The following LY75 variants were observed in gnomAD, a reference collection of about 807,000 sequenced individuals.
LY75 encodes lymphocyte antigen 75.
In LY75, 185 loss-of-function variants were observed where a neutral mutation model predicts 231.7. The observed-to-expected ratio is 0.80, with a 90% CI of 0.71 to 0.90. LY75 has a LOEUF of 0.90. Ranked by LOEUF, LY75 falls within the 40% of genes least tolerant of loss-of-function variation. The pLI, the probability that LY75 is intolerant of heterozygous loss-of-function variation, is 0.00. For missense variants in LY75, 1,947 were observed against 2,050.2 expected, an observed-to-expected ratio of 0.95 and a Z score of 0.97; for synonymous variants, 668 against 689.0, an observed-to-expected ratio of 0.97 and a Z score of 0.48.
At chr2:159,807,765 T>C in intron 33 of LY75, 2 of 948,436 alleles carry the variant, frequency 2.1e-6, no homozygotes, top group Non-Finnish European at 2.5e-6. Flanking sequence ...CAACTTTGCA[T>C]AAAATGTGAA....
rs746920972 is a variant in LY75, at chr2:159,872,557, A to C, written c.2011T>G (p.Trp671Gly). The C allele has an allele frequency of 6.2e-7, 1 of 1,613,956 alleles. No homozygotes were observed. Among genetic ancestry groups the C allele is most frequent in the Non-Finnish European group, 8.5e-7 (1 of 1,179,876 alleles). The change falls in exon 13 of 35, where the codon TGG (tryptophan) becomes GGG (glycine). Residue 671 changes from tryptophan (W) to glycine (G), a missense_variant. Transcript: ENST00000263636. ...HAERIVRKRNWEEAERFCQAL... is the reference protein window; with the variant it reads ...HAERIVRKRNGEEAERFCQAL... ...TGGCAGAATCGTTCAGCTTCTTCCC[A>C]GTTCCTCTTTCTTACAATTCTTTCT...
At chr2:159,860,479 A>G (rs1475411884) in intron 15 of LY75, among the ~76,000 whole-genome samples, 3 of 152,164 alleles carry the variant, frequency 2.0e-5, no homozygotes, top group Non-Finnish European at 4.4e-5. Context: ...TCCCATTTGT[A>G]GAAACTCTAT....
At chr2:159,823,450 GA>G (rs1683363568) in intron 28 of LY75, among the ~76,000 whole-genome samples, 1 of 152,164 alleles carries the variant, frequency 6.6e-6, no homozygotes, top group South Asian at 2.1e-4. Flanking sequence ...GGGACTATGT[GA>G]AAAGACCAAA....
chr2:159,823,344 T>A (rs1683359413), intron 28 of LY75, among the ~76,000 whole-genome samples: 1 of 152,178 alleles, frequency 6.6e-6, no homozygotes, highest in African/African-American at 2.4e-5. Context: ...GAAGAAAGGA[T>A]ATCAGGGATT....
At chr2:159,894,175 CG>C (rs1685841266) in intron 2 of LY75, 91 bp from the exon 3 acceptor site, 33 of 1,436,308 alleles carry the variant, frequency 2.3e-5, no homozygotes, top group Non-Finnish European at 2.6e-5. Context: ...TTAAAAGAAA[CG>C]TTGTTTAGAA....
At position 159,854,458 on chromosome 2, in the gene LY75, A is replaced by T; in HGVS notation, c.2497T>A (p.Tyr833Asn). ...YWFVADLHLN[Y>N]EEAVLYCASN... The stretch of plus-strand genomic sequence containing the variant: ...GCACAGTACAGGACGGCTTCTTCAT[A>T]GTTTAGGTGAAGATCAGCAACAAAC... Residue 833 changes from tyrosine (Y) to asparagine (N), a missense_variant, in exon 18 of 35, where the codon TAT (tyrosine) becomes AAT (asparagine). By Grantham distance (143) the Tyr-to-Asn change is moderately radical. Coordinates refer to ENST00000263636, the MANE Select transcript of LY75 (RefSeq NM_002349.4). 2 of 1,613,630 alleles carry T rather than the reference A, an allele frequency of 1.2e-6. No homozygotes were observed. The highest frequency in any genetic ancestry group is 4.5e-5 in the East Asian group (2 of 44,878).
chr2:159,867,033 G>A (rs1684876907), intron 13 of LY75, among the ~76,000 whole-genome samples: 1 of 152,028 alleles, frequency 6.6e-6, no homozygotes, highest in Non-Finnish European at 1.5e-5. Context: ...GCCCATTTCT[G>A]GCTCCTTTGC....
chr2:159,886,397 G>T, intron 5 of LY75, 23 bp downstream of exon 5: 1 of 1,597,624 alleles, frequency 6.3e-7, no homozygotes, highest in Non-Finnish European at 8.5e-7. Flanking sequence ...TCTGTGCAGA[G>T]GGGGTAGGGA....
intron 28 of LY75, among the ~76,000 whole-genome samples, chr2:159,828,757 GTGATACAT>G (rs1480434495): frequency 1.3e-5 from 2 of 152,126 alleles, no homozygotes; most frequent in Non-Finnish European, 2.9e-5. Context: ...TGTCCATCAA[GTGATACAT>G]GGATAAATAA....
At chr2:159,904,459 G>T in intron 1 of LY75, 130 bp downstream of exon 1, 1 of 1,049,536 alleles carries the variant, frequency 9.5e-7, no homozygotes, top group Non-Finnish European at 1.3e-6. Flanking sequence ...CGGCTCCAGA[G>T]CCCCCCCGCC....
chr2:159,898,899 G>A lies in LY75; in HGVS notation c.255C>T (p.Gly85=). 1.2e-6 allele frequency: 2 copies of A among 1,614,190 alleles called. No homozygotes were observed. Among genetic ancestry groups the A allele is most frequent in the Non-Finnish European group, 1.7e-6 (2 of 1,180,038 alleles). Residue 85 remains glycine (G), a synonymous_variant, in exon 2 of 35, where the codon GGC becomes GGT. Transcript: ENST00000263636. ...LFHLHSQKCL[G]LDITKSVNEL... ...CATTTACCGATTTGGTAATATCGAGGCCAAGGCACTTTTGGGAGTGCAAAT... is the reference window on the plus strand; with the variant it reads ...CATTTACCGATTTGGTAATATCGAGACCAAGGCACTTTTGGGAGTGCAAAT...
At position 159,898,940 on chromosome 2, in the gene LY75, G is replaced by A; in HGVS notation, c.214C>T (p.Gln72Ter). The change falls in exon 2 of 35, where the codon CAG (glutamine) becomes TAG (stop). Residue 72 changes from glutamine to a stop codon, truncating the protein, a stop_gained. Transcript: ENST00000263636. LOFTEE classifies it high-confidence loss of function. ...GAGTGCAAATGAAAGAGCCGATGCT[G>A]GGACACCCACTTCCATAACTTGTCC... ...TEDKLWKWVS[Q>*]HRLFHLHSQK... The A allele has an allele frequency of 6.2e-7, 1 of 1,614,238 alleles. No homozygotes were observed. Among genetic ancestry groups the A allele is most frequent in the Non-Finnish European group, 8.5e-7 (1 of 1,180,046 alleles).
chr2:159,854,153 G>T (rs1272289739), intron 18 of LY75, among the ~76,000 whole-genome samples: 1 of 152,054 alleles, frequency 6.6e-6, no homozygotes, highest in Non-Finnish European at 1.5e-5. Flanking sequence ...CTTATAAAGT[G>T]ACATTTATTA....
rs757332334 is a variant in LY75, at chr2:159,892,544, C to A, written c.637+1370G>T. Among the ~76,000 whole-genome samples, 6 of 152,180 alleles carry A rather than the reference C, an allele frequency of 3.9e-5. No homozygotes were observed. In the South Asian group the frequency reaches 6.2e-4, roughly 16 times the overall value. ...TGAGAGCCTGAAACAGTATCTGACA[C>A]CTGGCAGAGCCCTGTTAAGTATTAA... is the stretch of plus-strand genomic sequence containing the variant. On this transcript the variant is annotated intron_variant, in intron 3 of 34. Transcript: ENST00000263636.
chr2:159,819,133 C>A (rs141020210), intron 29 of LY75, among the ~76,000 whole-genome samples: 111 of 152,330 alleles, frequency 7.3e-4, no homozygotes, highest in African/African-American at 2.5e-3. Flanking sequence ...AGCACTCCAC[C>A]TTTACGGGCT....
intron 3 of LY75, 147 bp from the exon 4 acceptor site, chr2:159,890,524 G>T: frequency 2.6e-6 from 3 of 1,133,352 alleles, no homozygotes; most frequent in Non-Finnish European, 3.7e-6. Context: ...ACCATATTTT[G>T]ATCACAATAA....
chr2:159,852,180 A>G (rs1684418458), intron 21 of LY75, 21 bp downstream of exon 21: 4 of 1,611,768 alleles, frequency 2.5e-6, no homozygotes, highest in Non-Finnish European at 3.4e-6. Flanking sequence ...TTGTTGCATA[A>G]TGTAGCAATT....
At position 159,878,422 on chromosome 2, in the gene LY75, C is replaced by G. The variant is rs749627631; in HGVS notation, c.1676G>C (p.Gly559Ala). The change falls in exon 11 of 35, where the codon GGC becomes GCC. Residue 559 changes from glycine to alanine, a missense_variant. Gly to Ala is a moderately conservative substitution (Grantham distance 60). Transcript: ENST00000263636. ...TCCACAAGAATCTACATCTCTCAGG[C>G]CAGTCCAGAAGTATTTTCTTAGAGA... ...DKSLRKYFWT[G>A]LRDVDSCGEY... 6.2e-7 allele frequency: 1 copy of G among 1,613,978 alleles called. No homozygotes were observed. Among genetic ancestry groups the G allele is most frequent in the Non-Finnish European group, 8.5e-7 (1 of 1,180,016 alleles).
rs573419757 is a variant in LY75 at position 159,815,941 on chromosome 2, C to T, written c.4381-368G>A. ...TTCATATTGTTCTGAATATTGTTTTCTGTGTTTTATAGTTTTGTGTTTTGT... is the reference window on the plus strand; with the variant it reads ...TTCATATTGTTCTGAATATTGTTTTTTGTGTTTTATAGTTTTGTGTTTTGT... On this transcript the variant is annotated intron_variant, in intron 30 of 34. Transcript: ENST00000263636. 4.6e-5 allele frequency among the ~76,000 whole-genome samples: 7 copies of T among 152,156 alleles called. No individual in the cohort carries two copies. In the South Asian group the frequency reaches 1.5e-3, roughly 32 times the overall value.
Sources: gnomAD v4.1 joint callset for allele counts (sites outside exome capture counted in the v4.1 genomes callset) on GRCh38, gnomAD v4.1.1 for gene constraint, MANE v1.5 for transcripts, NCBI Gene and HGNC (gene_info 2026-07-23, HGNC 2026-07-21) for gene names.